ZSWIM5: variants seen among roughly 807,000 people sequenced by gnomAD.
ZSWIM5 encodes the protein zinc finger SWIM-type containing 5, also known as zinc finger SWIM domain-containing protein 5.
A neutral mutation model predicts 119.6 loss-of-function variants in ZSWIM5; 55 were observed. The observed-to-expected ratio is 0.46, with a 90% CI of 0.37 to 0.58. ZSWIM5 has a LOEUF of 0.58. Ranked by LOEUF, ZSWIM5 falls within the 20% of genes least tolerant of loss-of-function variation. The pLI, the probability that ZSWIM5 is intolerant of heterozygous loss-of-function variation, is 0.00. For synonymous variants in ZSWIM5, 537 were observed against 606.9 expected (o/e 0.88, Z 1.69); for missense variants, 1,193 against 1,512.8 (o/e 0.79, Z 3.51).
At chr1:45,078,953 C>T (rs945272801) in intron 2 of ZSWIM5, among the ~76,000 whole-genome samples, 6 of 152,164 alleles carry the variant, frequency 3.9e-5, no homozygotes, top group East Asian at 1.9e-4. Context: ...GTGACCTGAA[C>T]GTATAGGTCC....
intron 2 of ZSWIM5, among the ~76,000 whole-genome samples, chr1:45,075,842 A>C (rs1334303663): frequency 2.4e-5 from 3 of 127,428 alleles, no homozygotes; most frequent in Non-Finnish European, 5.1e-5. Context: ...GATATGATTT[A>C]GTTTCTTACT....
intron 1 of ZSWIM5, among the ~76,000 whole-genome samples, chr1:45,106,238 T>TC (rs1645476457): frequency 2.4e-5 from 2 of 81,838 alleles, no homozygotes; most frequent in African/African-American, 4.8e-5. Flanking sequence ...CCGGCCGCCC[T>TC]GTCTGGGAGG....
intron 11 of ZSWIM5, among the ~76,000 whole-genome samples, chr1:45,024,103 TAA>T (rs1189890908): frequency 6.6e-6 from 1 of 152,140 alleles, no homozygotes; most frequent in Non-Finnish European, 1.5e-5. Flanking sequence ...ATTTGGGATA[TAA>T]GTCCTTTATC....
At chr1:45,061,176 A>C (rs1239162841) in intron 2 of ZSWIM5, among the ~76,000 whole-genome samples, 1 of 152,138 alleles carries the variant, frequency 6.6e-6, no homozygotes, top group African/African-American at 2.4e-5. Context: ...CCCCAGTTGA[A>C]TCCAAAGCTG....
At chr1:45,068,477 C>T (rs1471735932) in intron 2 of ZSWIM5, among the ~76,000 whole-genome samples, 1 of 138,274 alleles carries the variant, frequency 7.2e-6, no homozygotes, top group Non-Finnish European at 1.5e-5. Context: ...GTCTGGGCAA[C>T]GAGAGCGAAA....
At position 45,162,343 on chromosome 1, in the gene ZSWIM5, T is replaced by C. The variant is rs192895998; in HGVS notation, c.595+43413A>G. 6.6e-5 allele frequency among the ~76,000 whole-genome samples: 10 copies of C among 152,126 alleles called. No homozygotes were observed. The Middle Eastern group carries it at 0.01, about 155-fold the overall frequency. Reference sequence around the variant, plus strand: ...GCCACCTCTACTAAAAATACAAAAATTGGGAGAGGAGGTTCCAAGATGGCC... The same window carrying C: ...GCCACCTCTACTAAAAATACAAAAACTGGGAGAGGAGGTTCCAAGATGGCC... On this transcript the variant is annotated intron_variant, in intron 1 of 13. Coordinates refer to ENST00000359600, the MANE Select transcript of ZSWIM5 (RefSeq NM_020883.2).
At chr1:45,046,634 ATG>A (rs60762459) in intron 5 of ZSWIM5, among the ~76,000 whole-genome samples, 1,676 of 147,320 alleles carry the variant, frequency 0.011, 9 homozygotes, top group African/African-American at 0.014. Context: ...TGGGCAAGAT[ATG>A]TGTGTGTGTG....
intron 2 of ZSWIM5, among the ~76,000 whole-genome samples, chr1:45,080,790 A>G (rs1349392016): frequency 6.6e-6 from 1 of 152,168 alleles, no homozygotes; most frequent in East Asian, 1.9e-4. Context: ...TGTACCCCAG[A>G]GAATCTTGGG....
chr1:45,172,216 C>G (rs1024593572), intron 1 of ZSWIM5, among the ~76,000 whole-genome samples: 10 of 151,998 alleles, frequency 6.6e-5, no homozygotes, highest in African/African-American at 2.4e-4. Context: ...TTCTGGTTGG[C>G]GGCTTCCCTA....
chr1:45,044,765 A>ACG (rs1645039765), intron 5 of ZSWIM5, among the ~76,000 whole-genome samples: 1 of 6,806 alleles, frequency 1.5e-4, no homozygotes, highest in Non-Finnish European at 2.6e-4. Flanking sequence ...ATATATATAT[A>ACG]TATATATATA....
At chr1:45,039,632 G>A (rs1259714609) in intron 7 of ZSWIM5, among the ~76,000 whole-genome samples, 10 of 151,734 alleles carry the variant, frequency 6.6e-5, no homozygotes, top group South Asian at 2.1e-4. Context: ...TGATCCACCC[G>A]ATTCACCCTA....
At chr1:45,194,727 A>G (rs983042620) in intron 1 of ZSWIM5, among the ~76,000 whole-genome samples, 1 of 152,044 alleles carries the variant, frequency 6.6e-6, no homozygotes. Flanking sequence ...AATACAAAAA[A>G]TCAGCCAGGC....
chr1:45,031,322 G>T (rs1000788245), intron 11 of ZSWIM5, among the ~76,000 whole-genome samples: 1 of 151,066 alleles, frequency 6.6e-6, no homozygotes, highest in East Asian at 2.0e-4. Context: ...GATTATAGGC[G>T]CATGCCACCA....
chr1:45,168,664 C>CA (rs1024002696), intron 1 of ZSWIM5, among the ~76,000 whole-genome samples: 1,351 of 37,534 alleles, frequency 0.036, 25 homozygotes, highest in Middle Eastern at 0.043. Flanking sequence ...GACTCCATCT[C>CA]AAAAAAAAAA....
intron 1 of ZSWIM5, among the ~76,000 whole-genome samples, chr1:45,120,611 G>A (rs112842971): frequency 0.021 from 3,125 of 151,986 alleles, 115 homozygotes; most frequent in African/African-American, 0.072. Flanking sequence ...GGGACCACAG[G>A]TACATGCTAC....
At chr1:45,144,364 GAA>G (rs910205879) in intron 1 of ZSWIM5, among the ~76,000 whole-genome samples, 4 of 134,018 alleles carry the variant, frequency 3.0e-5, no homozygotes, top group African/African-American at 5.5e-5. Context: ...CTTGTCTCTA[GAA>G]AAAAAAAAAA....
chr1:45,043,250 G>C lies in ZSWIM5; in HGVS notation c.1578C>G (p.Leu526=). The change falls in exon 6 of 14, where the codon CTC becomes CTG. Residue 526 remains leucine, a synonymous_variant. Coordinates refer to ENST00000359600, the MANE Select transcript of ZSWIM5 (RefSeq NM_020883.2). Reference sequence around the variant, plus strand: ...ACAGTGGCTGGCCTTGGGAATTAAAGAGTAGTCTTTCACTTTCCCGCTGGC... The same window carrying C: ...ACAGTGGCTGGCCTTGGGAATTAAACAGTAGTCTTTCACTTTCCCGCTGGC... The part of the protein sequence containing the change: ...PACQRESERL[L]FNSQGQPLWL... 6.2e-7 allele frequency: 1 copy of C among 1,614,016 alleles called. No individual in the cohort carries two copies. The highest frequency in any genetic ancestry group is 1.3e-5 in the African/African-American group (1 of 75,040).
At chr1:45,146,551 T>C (rs1645761983) in intron 1 of ZSWIM5, among the ~76,000 whole-genome samples, 1 of 149,774 alleles carries the variant, frequency 6.7e-6, no homozygotes, top group Non-Finnish European at 1.5e-5. Context: ...GCAATTCTCG[T>C]GCCTCAGCCT....
At chr1:45,052,001 A>ATT (rs5773861) in intron 4 of ZSWIM5, among the ~76,000 whole-genome samples, 5,166 of 143,182 alleles carry the variant, frequency 0.036, 200 homozygotes, top group East Asian at 0.14. Flanking sequence ...CTTTCTTGGG[A>ATT]TTTTTTTTTT....
Sources: allele counts gnomAD v4.1 joint callset (sites outside exome capture counted in the v4.1 genomes callset), GRCh38; gene constraint gnomAD v4.1.1; transcripts MANE v1.5; gene names NCBI Gene and HGNC (gene_info 2026-07-23, HGNC 2026-07-21).